MYT1L: variants seen among roughly 807,000 people sequenced by gnomAD.
MYT1L encodes the protein myelin transcription factor 1 like.
Under a neutral mutation model 126.7 loss-of-function variants are expected in MYT1L, and 12 were observed. The ratio of observed to expected loss-of-function variants is 0.09; its 90% CI spans 0.06 to 0.15. The LOEUF is 0.15. MYT1L is among the 10% of genes least tolerant of loss of function. MYT1L has a pLI of 1.00. For synonymous variants in MYT1L, 541 were observed against 604.2 expected, an observed-to-expected ratio of 0.90 and a Z score of 1.53; for missense variants, 979 against 1,585.2, an observed-to-expected ratio of 0.62 and a Z score of 6.49.
At chr2:2,127,377 AACAAAAG>A (rs1408887664) in intron 3 of MYT1L, among the ~76,000 whole-genome samples, 1 of 152,206 alleles carries the variant, frequency 6.6e-6, no homozygotes, top group East Asian at 1.9e-4. Context: ...TTTAAATACA[AACAAAAG>A]GCTCTCTTAA....
At chr2:2,330,734 T>C (rs1007347371) in intron 1 of MYT1L, among the ~76,000 whole-genome samples, 4 of 152,168 alleles carry the variant, frequency 2.6e-5, no homozygotes, top group Non-Finnish European at 4.4e-5. Flanking sequence ...TTTTTCTTAA[T>C]AAACAACATC....
chr2:2,084,748 G>A (rs1167938453), intron 3 of MYT1L, among the ~76,000 whole-genome samples: 1 of 152,188 alleles, frequency 6.6e-6, no homozygotes, highest in African/African-American at 2.4e-5. Flanking sequence ...GATACTAAAT[G>A]AGTTATTTTA....
At chr2:1,797,929 C>T (rs879039475) in intron 23 of MYT1L, among the ~76,000 whole-genome samples, 82 of 24,186 alleles carry the variant, frequency 3.4e-3, no homozygotes, top group African/African-American at 7.4e-3. Flanking sequence ...GCGGTCTCCC[C>T]CTTCTCCGGC....
intron 2 of MYT1L, among the ~76,000 whole-genome samples, chr2:2,218,499 C>G (rs1391020425): frequency 6.6e-6 from 1 of 152,028 alleles, no homozygotes; most frequent in East Asian, 1.9e-4. Flanking sequence ...CATACCAAAT[C>G]CTGAAAAATG....
At chr2:1,864,239 G>C (rs1033641626) in intron 18 of MYT1L, among the ~76,000 whole-genome samples, 2 of 152,126 alleles carry the variant, frequency 1.3e-5, no homozygotes. Flanking sequence ...CATGTGGTTT[G>C]AGGTCCTCCC....
chr2:2,273,727 G>A (rs2095309051), intron 2 of MYT1L, among the ~76,000 whole-genome samples: 2 of 152,326 alleles, frequency 1.3e-5, no homozygotes, highest in African/African-American at 4.8e-5. Context: ...CTGCTGTGCT[G>A]CATGTCTGAG....
At chr2:2,263,487 T>C (rs1400876517) in intron 2 of MYT1L, among the ~76,000 whole-genome samples, 1 of 152,132 alleles carries the variant, frequency 6.6e-6, no homozygotes, top group Non-Finnish European at 1.5e-5. Flanking sequence ...GTGTGAACTA[T>C]ATTCCTAAAA....
In MYT1L at chr2:1,789,698, G is replaced by C. The variant is rs1204611468; in HGVS notation, c.*2169C>G. On this transcript the variant is annotated 3_prime_UTR_variant, in exon 25 of 25. Transcript: ENST00000647738. ...AAATGCATATGCTGTTATGAACAAT[G>C]GGGGCCCTAAAGGCAGCTGGGGCCC... 2 of 152,168 alleles carry C rather than the reference G, an allele frequency of 1.3e-5. No individual in the cohort carries two copies. The highest frequency in any genetic ancestry group is 2.1e-4 in the South Asian group (1 of 4,810). 9.4% of individuals were successfully genotyped at this position (152,168 alleles called of 1,614,324 possible).
chr2:2,317,737 T>C (rs1344306733), intron 1 of MYT1L, among the ~76,000 whole-genome samples: 5 of 152,208 alleles, frequency 3.3e-5, no homozygotes, highest in Admixed American at 3.3e-4. Flanking sequence ...CAGAAACTTA[T>C]AGCACATGTG....
chr2:2,299,856 A>G (rs992569946), intron 1 of MYT1L, among the ~76,000 whole-genome samples: 11 of 152,186 alleles, frequency 7.2e-5, no homozygotes, highest in Non-Finnish European at 1.3e-4. Flanking sequence ...TCACTTGTCA[A>G]TCCCCAAATC....
intron 2 of MYT1L, among the ~76,000 whole-genome samples, chr2:2,237,138 A>G (rs1022080566): frequency 6.6e-6 from 1 of 152,036 alleles, no homozygotes; most frequent in Admixed American, 6.6e-5. Context: ...TTAAATCAGG[A>G]AGATGTTTTT....
intron 3 of MYT1L, among the ~76,000 whole-genome samples, chr2:2,148,912 T>A (rs777221515): frequency 6.6e-6 from 1 of 152,158 alleles, no homozygotes; most frequent in Non-Finnish European, 1.5e-5. Flanking sequence ...GTCCTTCTTG[T>A]GAACTCACAG....
chr2:2,031,954 G>A (rs1320727367), intron 4 of MYT1L, among the ~76,000 whole-genome samples: 9 of 144,474 alleles, frequency 6.2e-5, no homozygotes, highest in Non-Finnish European at 1.2e-4. Context: ...TCTAGAAGAA[G>A]GGCCTTATAT....
At chr2:2,165,621 T>C (rs1353717161) in intron 3 of MYT1L, among the ~76,000 whole-genome samples, 1 of 152,202 alleles carries the variant, frequency 6.6e-6, no homozygotes, top group South Asian at 2.1e-4. Context: ...ATAACTAGGA[T>C]ATATAAAAGG....
In MYT1L at chr2:1,835,442, G is replaced by T. The variant is rs2040752409; in HGVS notation, c.3080+3707C>A. ...GCACCATTTCTACCAAGTGTGTATT[G>T]CTCTTGCACCACTGTAAGATCGAAA... On this transcript the variant is annotated intron_variant, in intron 21 of 24. Transcript: ENST00000647738. 2.0e-5 allele frequency among the ~76,000 whole-genome samples: 3 copies of T among 152,186 alleles called. No individual in the cohort carries two copies. The South Asian group carries it at 6.2e-4, about 32-fold the overall frequency.
At chr2:1,864,563 C>A (rs1043701555) in intron 18 of MYT1L, among the ~76,000 whole-genome samples, 4 of 152,140 alleles carry the variant, frequency 2.6e-5, no homozygotes, top group Non-Finnish European at 5.9e-5. Flanking sequence ...CAGTCGCCGT[C>A]CCCAGGCTGA....
chr2:2,082,695 A>G (rs1490267581), intron 3 of MYT1L, among the ~76,000 whole-genome samples: 1 of 152,232 alleles, frequency 6.6e-6, no homozygotes, highest in Non-Finnish European at 1.5e-5. Flanking sequence ...CTGTTCACAT[A>G]GCATAGCTTC....
At chr2:2,299,687 A>G (rs192462736) in intron 1 of MYT1L, among the ~76,000 whole-genome samples, 1 of 152,318 alleles carries the variant, frequency 6.6e-6, no homozygotes, top group East Asian at 1.9e-4. Context: ...CGAACTGTTA[A>G]TCACATGTTT....
At position 2,213,631 on chromosome 2, in the gene MYT1L, T is replaced by C. The variant is rs551628863; in HGVS notation, c.-420-40643A>G. Among the ~76,000 whole-genome samples the C allele has an allele frequency of 9.8e-4, 150 of 152,294 alleles. No homozygotes were observed. In the Middle Eastern group the frequency reaches 0.017, roughly 17 times the overall value. ...GAGCACTCAGAAGGCCTCAACTTAA[T>C]AGCAGAGAATAATTAGTAATAGGCT... On this transcript the variant is annotated intron_variant, in intron 2 of 24. Transcript: ENST00000647738.
Sources: allele counts gnomAD v4.1 joint callset (sites outside exome capture counted in the v4.1 genomes callset), GRCh38; gene constraint gnomAD v4.1.1; transcripts MANE v1.5; gene names NCBI Gene and HGNC (gene_info 2026-07-23, HGNC 2026-07-21).